PRR16: variants seen among roughly 807,000 people sequenced by gnomAD.
The protein encoded by PRR16 is protein Largen.
PRR16 carries 6 observed loss-of-function variants against 18.2 expected under a neutral mutation model. The ratio of observed to expected loss-of-function variants is 0.33; its 90% CI spans 0.18 to 0.65. The LOEUF is 0.65. PRR16 is among the 30% of genes least tolerant of loss of function. PRR16 has a pLI of 0.74. For missense variants in PRR16, 412 were observed against 376.6 expected, an observed-to-expected ratio of 1.09 and a Z score of -0.78; for synonymous variants, 151 against 147.8, an observed-to-expected ratio of 1.02 and a Z score of -0.16.
At chr5:120,782,021 A>G in the PRR16 span, among the ~76,000 whole-genome samples, 437 of 152,300 alleles carry the variant, frequency 2.9e-3, 7 homozygotes, top group African/African-American at 9.8e-3. Flanking sequence ...AAATAGTTCA[A>G]GGCATTCTTT....
the PRR16 span, among the ~76,000 whole-genome samples, chr5:120,768,277 AT>A: frequency 6.6e-6 from 1 of 151,820 alleles, no homozygotes; most frequent in Non-Finnish European, 1.5e-5. Context: ...ACACAATATA[AT>A]TCTAGAATAT....
chr5:120,621,555 A>T (rs1754690203), intron 1 of PRR16, among the ~76,000 whole-genome samples: 1 of 152,054 alleles, frequency 6.6e-6, no homozygotes, highest in Admixed American at 6.6e-5. Flanking sequence ...CTCTTCATGA[A>T]TTTTAATCCC....
chr5:120,659,744 C>T (rs867219578), intron 1 of PRR16, among the ~76,000 whole-genome samples: 14 of 151,926 alleles, frequency 9.2e-5, no homozygotes, highest in Non-Finnish European at 1.8e-4. Context: ...TATACTTGAA[C>T]GGCAGCTTGG....
chr5:120,585,554 G>A (rs1221315006), intron 1 of PRR16, among the ~76,000 whole-genome samples: 1 of 151,756 alleles, frequency 6.6e-6, no homozygotes, highest in Admixed American at 6.6e-5. Context: ...AGGAATTGGA[G>A]GATGCAGTGA....
chr5:120,753,779 G>T, the PRR16 span, among the ~76,000 whole-genome samples: 14,884 of 142,490 alleles, frequency 0.1, 982 homozygotes, highest in African/African-American at 0.18. Context: ...CTTCAGTTAT[G>T]TAATTATATG....
At chr5:120,714,803 C>A in the PRR16 span, among the ~76,000 whole-genome samples, 1 of 152,094 alleles carries the variant, frequency 6.6e-6, no homozygotes, top group South Asian at 2.1e-4. Flanking sequence ...GGAATACTAT[C>A]CAGCATAAAA....
intron 1 of PRR16, among the ~76,000 whole-genome samples, chr5:120,669,363 C>A (rs1440718338): frequency 6.6e-6 from 1 of 151,988 alleles, no homozygotes; most frequent in African/African-American, 2.4e-5. Context: ...ACACCTCCCC[C>A]ATTTAGTTTG....
chr5:120,495,483 C>G (rs1750214214), intron 1 of PRR16, among the ~76,000 whole-genome samples: 1 of 151,990 alleles, frequency 6.6e-6, no homozygotes, highest in South Asian at 2.1e-4. Context: ...AGTACAATGC[C>G]TACAATATCA....
chr5:120,525,212 T>C (rs187794290), intron 1 of PRR16, among the ~76,000 whole-genome samples: 65 of 152,218 alleles, frequency 4.3e-4, no homozygotes, highest in African/African-American at 1.5e-3. Flanking sequence ...GGCCCCATTA[T>C]ATATTTTAGT....
Position 120,466,414 on chromosome 5 carries a change from T to C in PRR16, c.159+1769T>C, listed in dbSNP as rs867925715. Among the ~76,000 whole-genome samples the C allele has an allele frequency of 3.5e-4, 53 of 152,326 alleles. 2 individuals are homozygous for C. The Middle Eastern group carries it at 0.051, about 147-fold the overall frequency. ...CACAGAAACGTATTTACTGTTTTCA[T>C]GAGGCTGAGACTAAAAGAAAGGTAG... On this transcript the variant is annotated intron_variant, in intron 1 of 1. Coordinates refer to ENST00000407149, the MANE Select transcript of PRR16 (RefSeq NM_001300783.2).
rs1756822494 is a variant in PRR16, at chr5:120,677,095, T to C, written c.160-8859T>C. Among the ~76,000 whole-genome samples, 3 of 152,342 alleles carry C rather than the reference T, an allele frequency of 2.0e-5. No homozygotes were observed. The South Asian group carries it at 6.2e-4, about 32-fold the overall frequency. ...CACACATATCAATTCATATACAGTC[T>C]ATCAGAAATACTGTGATCTAGCAGC... On this transcript the variant is annotated intron_variant, in intron 1 of 1. Transcript: ENST00000407149.
intron 1 of PRR16, among the ~76,000 whole-genome samples, chr5:120,580,631 AT>A (rs2112753945): frequency 6.6e-6 from 1 of 151,640 alleles, no homozygotes; most frequent in South Asian, 2.1e-4. Context: ...ATTTTTTTGT[AT>A]TTTTAGTAGA....
the PRR16 span, among the ~76,000 whole-genome samples, chr5:120,791,627 C>CTAT: frequency 6.8e-6 from 1 of 147,428 alleles, no homozygotes; most frequent in African/African-American, 2.6e-5. Context: ...ATCTATCCAT[C>CTAT]CATCTATCAT....
chr5:120,754,520 ATATAT>A, the PRR16 span, among the ~76,000 whole-genome samples: 2 of 80,352 alleles, frequency 2.5e-5, no homozygotes, highest in Non-Finnish European at 4.6e-5. Flanking sequence ...ATTATATATT[ATATAT>A]TATATAATTA....
chr5:120,693,231 T>G, the PRR16 span, among the ~76,000 whole-genome samples: 1 of 152,174 alleles, frequency 6.6e-6, no homozygotes, highest in Non-Finnish European at 1.5e-5. Flanking sequence ...GTGCTCCTGA[T>G]AGAGCACTTA....
At chr5:120,703,164 C>T in the PRR16 span, among the ~76,000 whole-genome samples, 208 of 151,822 alleles carry the variant, frequency 1.4e-3, 6 homozygotes, top group South Asian at 0.041. Context: ...GAGTGGGGGT[C>T]GCAAGGTGCT....
chr5:120,747,718 A>T, the PRR16 span, among the ~76,000 whole-genome samples: 1 of 152,204 alleles, frequency 6.6e-6, no homozygotes, highest in Non-Finnish European at 1.5e-5. Flanking sequence ...TAGGCTTTTA[A>T]TCTGTTTATA....
intron 1 of PRR16, among the ~76,000 whole-genome samples, chr5:120,466,126 G>A (rs187723259): frequency 1.8e-3 from 270 of 152,242 alleles, no homozygotes; most frequent in African/African-American, 5.8e-3. Flanking sequence ...ATAGATTCAG[G>A]GATAAAACTT....
At chr5:120,700,416 G>T in the PRR16 span, among the ~76,000 whole-genome samples, 4 of 152,076 alleles carry the variant, frequency 2.6e-5, no homozygotes, top group African/African-American at 7.2e-5. Flanking sequence ...GGGAGTAGAG[G>T]TATCTCATAC....
Sources: gnomAD v4.1 joint callset for allele counts (sites outside exome capture counted in the v4.1 genomes callset) on GRCh38, gnomAD v4.1.1 for gene constraint, MANE v1.5 for transcripts, NCBI Gene and HGNC (gene_info 2026-07-23, HGNC 2026-07-21) for gene names.